SAMD4A: variants seen among roughly 807,000 people sequenced by gnomAD.
SAMD4A encodes the protein sterile alpha motif domain containing 4A.
In SAMD4A, 33 loss-of-function variants were observed where a neutral mutation model predicts 81.3. That is an observed-to-expected ratio of 0.41 (90% CI 0.31 to 0.54). The LOEUF is 0.54. Among genes scored for constraint, SAMD4A ranks in the 20% least tolerant of loss-of-function variants. The probability of loss-of-function intolerance (pLI) is 0.37; values close to 1 mark genes in which losing one functional copy is unlikely to be tolerated. For missense variants in SAMD4A, 854 were observed against 951.1 expected (o/e 0.90, Z 1.34); for synonymous variants, 389 against 382.1 (o/e 1.02, Z -0.21).
intron 4 of SAMD4A, among the ~76,000 whole-genome samples, chr14:54,746,845 A>C (rs1184307993): frequency 6.6e-6 from 1 of 152,242 alleles, no homozygotes; most frequent in Non-Finnish European, 1.5e-5. Flanking sequence ...GGGACTTTCA[A>C]GATGTAAATA....
chr14:54,730,619 T>C (rs1295287522), intron 3 of SAMD4A, among the ~76,000 whole-genome samples: 1 of 152,204 alleles, frequency 6.6e-6, no homozygotes. Flanking sequence ...GAGTTGAGGC[T>C]TTTAACCTTT....
intron 2 of SAMD4A, among the ~76,000 whole-genome samples, chr14:54,571,879 G>C (rs1046873122): frequency 6.6e-6 from 1 of 152,190 alleles, no homozygotes; most frequent in Non-Finnish European, 1.5e-5. Flanking sequence ...TGTCATTAGA[G>C]GGTGGGTATG....
At chr14:54,607,817 T>C (rs2034253532) in intron 2 of SAMD4A, among the ~76,000 whole-genome samples, 1 of 151,844 alleles carries the variant, frequency 6.6e-6, no homozygotes, top group Non-Finnish European at 1.5e-5. Context: ...TATTTGACTA[T>C]TATATATGGG....
chr14:54,603,494 C>G (rs1048968969), intron 2 of SAMD4A, among the ~76,000 whole-genome samples: 1 of 152,124 alleles, frequency 6.6e-6, no homozygotes, highest in Non-Finnish European at 1.5e-5. Context: ...CTGATGCTGC[C>G]CAGTTCTGTT....
At chr14:54,626,429 ACTT>A (rs2034766379) in intron 2 of SAMD4A, among the ~76,000 whole-genome samples, 1 of 152,168 alleles carries the variant, frequency 6.6e-6, no homozygotes. Flanking sequence ...ATGAACTAAA[ACTT>A]CTTATCTCTT....
At chr14:54,583,416 G>A (rs1216183873) in intron 2 of SAMD4A, among the ~76,000 whole-genome samples, 1 of 152,142 alleles carries the variant, frequency 6.6e-6, no homozygotes, top group Non-Finnish European at 1.5e-5. Context: ...CAGCAGGGTG[G>A]CCTGTAGGAG....
intron 3 of SAMD4A, among the ~76,000 whole-genome samples, chr14:54,725,422 G>C (rs1366138294): frequency 6.6e-6 from 1 of 152,222 alleles, no homozygotes; most frequent in East Asian, 1.9e-4. Flanking sequence ...AGGAAAAGCA[G>C]AAGTTTGTCA....
At chr14:54,737,354 A>G in intron 4 of SAMD4A, 67 bp downstream of exon 4, 1 of 1,576,882 alleles carries the variant, frequency 6.3e-7, no homozygotes. Context: ...AGAGGGTAAA[A>G]AAAGAGAGGT....
rs781090227 is a variant in SAMD4A, at chr14:54,736,991, G to T, written c.716-33G>T. On this transcript the variant is annotated intron_variant, in intron 3 of 12. Coordinates refer to ENST00000554335, the MANE Select transcript of SAMD4A (RefSeq NM_015589.6). ...TCGGTGTCCCAGGATAAAGGGGGGG[G>T]AATAACCTATTTCATTTTATTTTTT... 4.4e-6 allele frequency: 7 copies of T among 1,607,108 alleles called. No individual in the cohort carries two copies. In the Admixed American group the frequency reaches 6.7e-5, roughly 15 times the overall value.
chr14:54,604,257 G>C (rs1191349353), intron 2 of SAMD4A, among the ~76,000 whole-genome samples: 4 of 152,238 alleles, frequency 2.6e-5, no homozygotes. Context: ...CCACCACCAA[G>C]AATGGTGGCT....
Position 54,600,835 on chromosome 14 carries a change from G to C in SAMD4A, c.196+32723G>C, listed in dbSNP as rs185151611. On this transcript the variant is annotated intron_variant, in intron 2 of 12. Coordinates refer to ENST00000554335, the MANE Select transcript of SAMD4A (RefSeq NM_015589.6). Reference sequence around the variant, plus strand: ...TTGGGGAAGATAATCTGCAGGGCGGGTTAGTCATGAATTACTCCAGGTTCT... The same window carrying C: ...TTGGGGAAGATAATCTGCAGGGCGGCTTAGTCATGAATTACTCCAGGTTCT... Among the ~76,000 whole-genome samples, 5 of 152,298 alleles carry C rather than the reference G, an allele frequency of 3.3e-5. No homozygotes were observed. In the East Asian group the frequency reaches 9.6e-4, roughly 29 times the overall value.
intron 2 of SAMD4A, among the ~76,000 whole-genome samples, chr14:54,634,444 T>C (rs1336915875): frequency 1.3e-5 from 2 of 152,146 alleles, no homozygotes; most frequent in African/African-American, 4.8e-5. Flanking sequence ...GGGACTGGTT[T>C]CATGGAAGAC....
chr14:54,698,593 G>A (rs552371382), intron 2 of SAMD4A, among the ~76,000 whole-genome samples: 18 of 152,318 alleles, frequency 1.2e-4, no homozygotes, highest in African/African-American at 4.1e-4. Flanking sequence ...CTGGCACTTC[G>A]AAAACATTCA....
rs1040918714 is a variant in SAMD4A, at chr14:54,765,107, C to A, written c.1596+567C>A. Among the ~76,000 whole-genome samples the A allele has an allele frequency of 1.6e-4, 25 of 152,228 alleles. No individual in the cohort carries two copies. The East Asian group carries it at 2.7e-3, about 16-fold the overall frequency. On this transcript the variant is annotated intron_variant, in intron 8 of 12. Transcript: ENST00000554335. ...GTCTTCATATACAGAGTGAGATAGA[C>A]CCTTTGGCATGGCGGGGCTAGGCAG...
intron 11 of SAMD4A, among the ~76,000 whole-genome samples, chr14:54,781,970 G>C (rs1423954274): frequency 6.6e-6 from 1 of 152,222 alleles, no homozygotes; most frequent in Admixed American, 6.5e-5. Flanking sequence ...CCAAGACTTA[G>C]AATTTTTCAG....
chr14:54,678,371 T>C (rs1270452901), intron 2 of SAMD4A, among the ~76,000 whole-genome samples: 1 of 151,736 alleles, frequency 6.6e-6, no homozygotes, highest in Non-Finnish European at 1.5e-5. Context: ...AATTTAAAAG[T>C]GACCTTCCTA....
At chr14:54,606,543 C>T (rs2034211286) in intron 2 of SAMD4A, among the ~76,000 whole-genome samples, 1 of 152,176 alleles carries the variant, frequency 6.6e-6, no homozygotes, top group Non-Finnish European at 1.5e-5. Flanking sequence ...GGCACAGTAA[C>T]CTCGGGAAGA....
chr14:54,766,039 G>C (rs939121004), intron 8 of SAMD4A, among the ~76,000 whole-genome samples: 12 of 152,184 alleles, frequency 7.9e-5, no homozygotes, highest in East Asian at 3.9e-4. Context: ...CCTCTGAAAT[G>C]TTTAACTATA....
At chr14:54,684,501 C>T (rs4901528) in intron 2 of SAMD4A, among the ~76,000 whole-genome samples, 97,570 of 152,154 alleles carry the variant, frequency 0.64, 33,583 homozygotes, top group Non-Finnish European at 0.78. Context: ...AGCTGTGCCT[C>T]CCATCCCTGC....
Sources: gnomAD v4.1 joint callset for allele counts (sites outside exome capture counted in the v4.1 genomes callset) on GRCh38, gnomAD v4.1.1 for gene constraint, MANE v1.5 for transcripts, NCBI Gene and HGNC (gene_info 2026-07-23, HGNC 2026-07-21) for gene names.